DMGDH: variants seen among roughly 807,000 people sequenced by gnomAD.
DMGDH encodes dimethylglycine dehydrogenase, mitochondrial.
In DMGDH, 76 loss-of-function variants were observed where a neutral mutation model predicts 95.2. That is an observed-to-expected ratio of 0.80 (90% CI 0.66 to 0.97). The LOEUF is 0.97. DMGDH is among the 50% of genes least tolerant of loss of function. The pLI is 0.00. For missense variants in DMGDH, 987 were observed against 1,055.0 expected (o/e 0.94, Z 0.89); for synonymous variants, 345 against 377.6 (o/e 0.91, Z 1.00).
intron 15 of DMGDH, among the ~76,000 whole-genome samples, chr5:79,003,846 C>T (rs1323081710): frequency 2.6e-5 from 4 of 152,094 alleles, no homozygotes; most frequent in Admixed American, 2.6e-4. Flanking sequence ...ACTGGGGAGG[C>T]TGAGGCAGGA....
At chr5:79,007,386 G>A (rs1355966108) in intron 14 of DMGDH, among the ~76,000 whole-genome samples, 1 of 152,076 alleles carries the variant, frequency 6.6e-6, no homozygotes, top group Non-Finnish European at 1.5e-5. Context: ...ATGGGTTGGT[G>A]GTTCTTGAGT....
chr5:79,021,728 G>A (rs1753872176), intron 14 of DMGDH: 8 of 1,287,772 alleles, frequency 6.2e-6, no homozygotes, highest in Non-Finnish European at 7.1e-6. Flanking sequence ...TGTGGGGGAA[G>A]TGTCTATTAA....
At chr5:79,005,201 G>A in intron 15 of DMGDH, 72 bp downstream of exon 15, 1 of 1,599,526 alleles carries the variant, frequency 6.3e-7, no homozygotes, top group Non-Finnish European at 8.6e-7. Context: ...GGTTTAAGAG[G>A]AAATAGGAAC....
intron 9 of DMGDH, among the ~76,000 whole-genome samples, chr5:79,031,995 A>T (rs1258165501): frequency 6.6e-6 from 1 of 152,238 alleles, no homozygotes; most frequent in African/African-American, 2.4e-5. Flanking sequence ...AGCAAAACCT[A>T]TTGTAAAAAG....
At chr5:79,049,138 C>G (rs1267028732) in intron 5 of DMGDH, among the ~76,000 whole-genome samples, 2 of 152,190 alleles carry the variant, frequency 1.3e-5, no homozygotes, top group Non-Finnish European at 2.9e-5. Context: ...CTCCTGCACC[C>G]CATCACCCCA....
At chr5:79,058,937 AG>A (rs1187735658) in intron 2 of DMGDH, among the ~76,000 whole-genome samples, 9 of 152,196 alleles carry the variant, frequency 5.9e-5, no homozygotes, top group Non-Finnish European at 1.0e-4. Context: ...TACCTCAAAA[AG>A]TCCAGTGACT....
chr5:79,053,884 C>T (rs986011467), intron 4 of DMGDH, among the ~76,000 whole-genome samples: 1 of 152,168 alleles, frequency 6.6e-6, no homozygotes, highest in African/African-American at 2.4e-5. Context: ...AGTTCTCAAA[C>T]AGAAGGTTTG....
chr5:79,050,273 A>AT (rs1389866153), intron 5 of DMGDH, among the ~76,000 whole-genome samples: 1 of 20,936 alleles, frequency 4.8e-5, no homozygotes, highest in Non-Finnish European at 9.3e-5. Context: ...AAAAAAAAAA[A>AT]ATATATATAT....
intron 1 of DMGDH, among the ~76,000 whole-genome samples, chr5:79,065,209 T>C (rs1183226878): frequency 1.4e-5 from 2 of 146,116 alleles, no homozygotes; most frequent in East Asian, 4.1e-4. Context: ...TCTCTTTTTC[T>C]TTTCTTTTCC....
chr5:79,028,801 A>T, intron 11 of DMGDH, 151 bp from the exon 12 acceptor site: 1 of 853,088 alleles, frequency 1.2e-6, no homozygotes, highest in African/African-American at 1.7e-5. Context: ...TTTAAAGTTG[A>T]GGAAACCAAG....
At chr5:79,049,585 C>CT (rs1335867918) in intron 5 of DMGDH, among the ~76,000 whole-genome samples, 1 of 152,090 alleles carries the variant, frequency 6.6e-6, no homozygotes, top group Non-Finnish European at 1.5e-5. Context: ...ATTCATGAGA[C>CT]TATAGAAAAA....
At chr5:79,019,889 A>C (rs1753823454) in intron 14 of DMGDH, among the ~76,000 whole-genome samples, 1 of 152,104 alleles carries the variant, frequency 6.6e-6, no homozygotes, top group African/African-American at 2.4e-5. Flanking sequence ...CGTCTCAATA[A>C]AAATAGTTAG....
At chr5:79,000,356 C>T in intron 15 of DMGDH, 1 of 654,116 alleles carries the variant, frequency 1.5e-6, no homozygotes, top group Non-Finnish European at 3.0e-6. Context: ...TGTTTATTCT[C>T]ACAATATACT....
rs146381476 is a variant in DMGDH at position 79,036,784 on chromosome 5, G to A, written c.1194-3376C>T. 8.0e-3 allele frequency among the ~76,000 whole-genome samples: 1,224 copies of A among 152,224 alleles called. 15 individuals are homozygous for A. Among genetic ancestry groups the A allele is most frequent in the Middle Eastern group, 0.017 (5 of 294 alleles). On this transcript the variant is annotated intron_variant, in intron 7 of 15. Transcript: ENST00000255189. ...AGGAGTAGTGTCTGGAAATCTGTTT[G>A]TTTGCTTGTTTGTTGCAATTCAATA...
intron 15 of DMGDH, among the ~76,000 whole-genome samples, chr5:78,999,708 A>G (rs1252812557): frequency 6.6e-6 from 1 of 152,256 alleles, no homozygotes; most frequent in Non-Finnish European, 1.5e-5. Flanking sequence ...ACTGTGAAAA[A>G]TAAAATGTGA....
At chr5:79,069,241 T>C (rs979647527) in intron 1 of DMGDH, among the ~76,000 whole-genome samples, 3 of 152,174 alleles carry the variant, frequency 2.0e-5, no homozygotes, top group Non-Finnish European at 4.4e-5. Flanking sequence ...GGAAAACCTA[T>C]ACTGACCTGT....
chr5:79,010,999 T>C (rs1016964150), intron 14 of DMGDH, among the ~76,000 whole-genome samples: 1 of 152,148 alleles, frequency 6.6e-6, no homozygotes, highest in Admixed American at 6.5e-5. Context: ...TGGGTGGGAA[T>C]CCCGTTGCAA....
At chr5:79,043,003 G>A (rs1034483815) in intron 6 of DMGDH, among the ~76,000 whole-genome samples, 5 of 152,132 alleles carry the variant, frequency 3.3e-5, no homozygotes, top group Admixed American at 1.3e-4. Context: ...CCTCCAGCCT[G>A]CCCCCATACA....
chr5:79,000,848 T>C, intron 15 of DMGDH: 2 of 639,292 alleles, frequency 3.1e-6, no homozygotes, highest in Non-Finnish European at 5.7e-6. Context: ...CACATATATA[T>C]TTCCTCAGGC....
Sources: gnomAD v4.1 joint callset for allele counts (sites outside exome capture counted in the v4.1 genomes callset) on GRCh38, gnomAD v4.1.1 for gene constraint, MANE v1.5 for transcripts, NCBI Gene and HGNC (gene_info 2026-07-23, HGNC 2026-07-21) for gene names.